The following TMEM270 variants were observed in gnomAD, a reference collection of about 807,000 sequenced individuals.
TMEM270 encodes Williams-Beuren syndrome chromosome region 28.
A neutral mutation model predicts 29.9 loss-of-function variants in TMEM270; 30 were observed. The observed-to-expected ratio is 1.00, with a 90% CI of 0.75 to 1.36. TMEM270 has a LOEUF of 1.36. TMEM270 is among the 40% of genes most tolerant of loss of function. The pLI is 0.00. For synonymous variants in TMEM270, 135 were observed against 139.8 expected (o/e 0.97, Z 0.24); for missense variants, 313 against 307.1 (o/e 1.02, Z -0.14).
intron 1 of TMEM270, among the ~76,000 whole-genome samples, chr7:73,862,872 GAAAAAAAA>G (rs71082281): frequency 2.7e-4 from 12 of 44,086 alleles, no homozygotes; most frequent in Non-Finnish European, 3.5e-4. Context: ...CCCTGTCTCA[GAAAAAAAA>G]AAAAAAAAAA....
In TMEM270 at chr7:73,865,709, T is replaced by C; in HGVS notation, c.634T>C (p.Ser212Pro). The C allele has an allele frequency of 6.2e-7, 1 of 1,614,088 alleles. No homozygotes were observed. The highest frequency in any genetic ancestry group is 2.2e-5 in the East Asian group (1 of 44,872). ...YLITWTTCLA[S>P]HLLQAAFEHT... is the part of the protein sequence containing the mutation. ...CATCACCTGGACCACCTGCCTGGCC[T>C]CCCACCTGCTGCAGGCTGCCTTTGA... The change falls in exon 3 of 3, where the codon TCC becomes CCC. Residue 212 changes from serine (S) to proline (P), a missense_variant. Coordinates refer to ENST00000320531, the MANE Select transcript of TMEM270 (RefSeq NM_182504.4).
At chr7:73,861,649 G>A (rs535860600) in intron 1 of TMEM270, 72 of 338,110 alleles carry the variant, frequency 2.1e-4, no homozygotes, top group South Asian at 1.1e-3. Flanking sequence ...GTCTCACTAC[G>A]TTGCCCAGGC....
At position 73,865,272 on chromosome 7, in the gene TMEM270, G is replaced by T; in HGVS notation, c.352G>T (p.Glu118Ter). The T allele has an allele frequency of 6.2e-7, 1 of 1,613,444 alleles. No homozygotes were observed. The change falls in exon 2 of 3, where the codon GAG (glutamate) becomes TAG (stop). Residue 118 changes from glutamate (E) to a stop codon, truncating the protein, a stop_gained. Coordinates refer to ENST00000320531, the MANE Select transcript of TMEM270 (RefSeq NM_182504.4). LOFTEE classifies it high-confidence loss of function. ...GLGLALLSAW[E>*]QLGLSVAIWT... ...GGGCCTGGCCTTGCTCAGTGCCTGG[G>T]AGCAGCTGGGCCTGTCTGTGGCCAT...
At chr7:73,862,193 C>T (rs1350045624) in intron 1 of TMEM270, among the ~76,000 whole-genome samples, 4 of 151,748 alleles carry the variant, frequency 2.6e-5, no homozygotes, top group African/African-American at 7.2e-5. Context: ...CTGCAACTTC[C>T]ACCTCCAGGT....
intron 1 of TMEM270, 118 bp from the exon 2 acceptor site, chr7:73,864,875 C>G: frequency 1.1e-6 from 1 of 938,872 alleles, no homozygotes; most frequent in South Asian, 2.6e-5. Flanking sequence ...TGCATTCCAG[C>G]CTGGGCAACA....
intron 1 of TMEM270, among the ~76,000 whole-genome samples, chr7:73,862,312 T>C (rs1043987341): frequency 2.0e-5 from 3 of 151,980 alleles, no homozygotes; most frequent in Non-Finnish European, 4.4e-5. Context: ...TTCACCGCAT[T>C]GGCCAGGCTG....
chr7:73,861,515 G>C, intron 1 of TMEM270: 1 of 620,546 alleles, frequency 1.6e-6, no homozygotes, highest in Non-Finnish European at 3.0e-6. Context: ...AGTGGTGCCG[G>C]CTCAGCTCGT....
intron 2 of TMEM270, 59 bp from the exon 3 acceptor site, chr7:73,865,518 A>C (rs1310566846): frequency 1.3e-6 from 2 of 1,584,804 alleles, no homozygotes; most frequent in African/African-American, 1.3e-5. Context: ...AGCCACAGCC[A>C]AGCAGTGTAA....
At chr7:73,865,520 G>A in intron 2 of TMEM270, 57 bp from the exon 3 acceptor site, 1 of 1,585,526 alleles carries the variant, frequency 6.3e-7, no homozygotes, top group Non-Finnish European at 8.6e-7. Context: ...CCACAGCCAA[G>A]CAGTGTAACC....
At chr7:73,861,104 A>G (rs542372824), upstream of TMEM270, 2,649 of 1,340,402 alleles carry the variant, frequency 2.0e-3, 5 homozygotes, top group Admixed American at 2.5e-3. Flanking sequence ...ACTGGCGGCA[A>G]CCGGGTCCCC....
chr7:73,861,163 C>CT lies in TMEM270; in HGVS notation c.-31dup. ...TGGCATCTGTGAGGTCACCCTGCTT[C>CT]TCCCAGCTGGAGTAGGTGGGGGAGG... On this transcript the variant is annotated 5_prime_UTR_variant, in exon 1 of 3. Coordinates refer to ENST00000320531, the MANE Select transcript of TMEM270 (RefSeq NM_182504.4). The CT allele has an allele frequency of 6.2e-7, 1 of 1,611,590 alleles. No homozygotes were observed. The highest frequency in any genetic ancestry group is 8.5e-7 in the Non-Finnish European group (1 of 1,177,912).
intron 1 of TMEM270, among the ~76,000 whole-genome samples, chr7:73,862,176 C>T (rs1179591394): frequency 1.3e-5 from 2 of 150,962 alleles, no homozygotes; most frequent in South Asian, 2.1e-4. Context: ...GGTGCGATCT[C>T]GGCTCACTGC....
intron 1 of TMEM270, among the ~76,000 whole-genome samples, chr7:73,863,337 A>G (rs1237445135): frequency 6.6e-6 from 1 of 151,636 alleles, no homozygotes; most frequent in East Asian, 1.9e-4. Context: ...GCTTCATCTC[A>G]GTGAATGGGA....
chr7:73,861,522 T>C (rs1788784570), intron 1 of TMEM270: 1 of 617,304 alleles, frequency 1.6e-6, no homozygotes, highest in African/African-American at 1.8e-5. Flanking sequence ...CCGGCTCAGC[T>C]CGTTGCAGCC....
upstream of TMEM270, chr7:73,861,107 G>C (rs575618774): frequency 2.9e-6 from 4 of 1,363,856 alleles, no homozygotes; most frequent in Non-Finnish European, 4.2e-6. Context: ...GGCGGCAACC[G>C]GGTCCCCATG....
At chr7:73,863,864 C>T (rs1343096775) in intron 1 of TMEM270, among the ~76,000 whole-genome samples, 2 of 152,136 alleles carry the variant, frequency 1.3e-5, no homozygotes, top group Non-Finnish European at 2.9e-5. Flanking sequence ...CAAAGCCCAG[C>T]TACTTGGAAG....
chr7:73,865,747 G>C lies in TMEM270; in HGVS notation c.672G>C (p.Gln224His), dbSNP rs376290765. ...LLQAAFEHTT[Q>H]LAEAQEVEPQ... is the part of the protein sequence containing the mutation. ...AGGCTGCCTTTGAGCACACGACCCAGCTGGCCGAGGCCCAGGAGGTTGAAC... is the reference window on the plus strand; with the variant it reads ...AGGCTGCCTTTGAGCACACGACCCACCTGGCCGAGGCCCAGGAGGTTGAAC... Residue 224 changes from glutamine (Q) to histidine (H), a missense_variant, in exon 3 of 3, where the codon CAG becomes CAC. Physicochemically the swap from Gln to His is conservative, Grantham distance 24 (BLOSUM62 0). Coordinates refer to ENST00000320531, the MANE Select transcript of TMEM270 (RefSeq NM_182504.4). The C allele has an allele frequency of 2.6e-5, 42 of 1,614,004 alleles. No homozygotes were observed. Among genetic ancestry groups the C allele is most frequent in the Non-Finnish European group, 3.6e-5 (42 of 1,180,020 alleles).
chr7:73,863,148 A>G (rs1269265312), intron 1 of TMEM270, among the ~76,000 whole-genome samples: 1 of 152,038 alleles, frequency 6.6e-6, no homozygotes, highest in Non-Finnish European at 1.5e-5. Flanking sequence ...AAGCTCTGCA[A>G]ATCCAGCCCG....
intron 1 of TMEM270, 51 bp downstream of exon 1, chr7:73,861,317 C>A: frequency 6.4e-7 from 1 of 1,558,862 alleles, no homozygotes; most frequent in Non-Finnish European, 8.8e-7. Flanking sequence ...CCAGGCCCTT[C>A]ACAGAGCCAC....
Sources: gnomAD v4.1 joint callset for allele counts (sites outside exome capture counted in the v4.1 genomes callset) on GRCh38, gnomAD v4.1.1 for gene constraint, MANE v1.5 for transcripts, NCBI Gene and HGNC (gene_info 2026-07-23, HGNC 2026-07-21) for gene names.